CFAP97D2: variants seen among roughly 807,000 people sequenced by gnomAD.
CFAP97D2 encodes CFAP97 domain containing 2.
intron 1 of CFAP97D2, among the ~76,000 whole-genome samples, chr13:114,183,229 T>C (rs1355650503): frequency 1.3e-5 from 2 of 152,162 alleles, no homozygotes; most frequent in African/African-American, 4.8e-5. Context: ...TGCAGTGGTG[T>C]GATCTTGGCT....
Position 114,189,595 on chromosome 13 carries a change from T to A in CFAP97D2, c.91-6801T>A, listed in dbSNP as rs1037933726. On this transcript the variant is annotated intron_variant, in intron 1 of 4. Transcript: ENST00000646158. This position sits in a 1 kb window ranked among gnomAD's most constrained non-coding sequence, Gnocchi z 4.5. ...CCACAGCAAAACTTAGCAAATTCGA[T>A]TAAAAGTGTATAAAAAGTATTATAT... Among the ~76,000 whole-genome samples the A allele has an allele frequency of 1.3e-5, 2 of 152,110 alleles. No homozygotes were observed. Among genetic ancestry groups the A allele is most frequent in the Non-Finnish European group, 2.9e-5 (2 of 68,024 alleles).
At chr13:114,192,075 G>T (rs544309830) in intron 1 of CFAP97D2, among the ~76,000 whole-genome samples, 4 of 150,758 alleles carry the variant, frequency 2.7e-5, no homozygotes, top group East Asian at 3.9e-4. Context: ...TGGGTGGGTG[G>T]GGGGAGGAAG....
In CFAP97D2 at chr13:114,207,451, G is replaced by C. The variant is rs2080946160; in HGVS notation, c.291-4461G>C. On this transcript the variant is annotated intron_variant, in intron 3 of 4. Transcript: ENST00000646158. This position sits in a 1 kb window ranked among gnomAD's most constrained non-coding sequence, Gnocchi z 4.9. ...TGGTCCCATCTAGGGATCGTGTGGA[G>C]ACAGTGACAGATCATCAGGCATTAG... Among the ~76,000 whole-genome samples the C allele has an allele frequency of 6.6e-6, 1 of 151,044 alleles. No individual in the cohort carries two copies.
chr13:114,181,839 C>A (rs542889949), intron 1 of CFAP97D2, among the ~76,000 whole-genome samples: 1 of 151,846 alleles, frequency 6.6e-6, no homozygotes, highest in South Asian at 2.1e-4. Context: ...AGCCTTCCCC[C>A]TCAGAGCCTG....
Position 114,193,289 on chromosome 13 carries a change from T to C in CFAP97D2, c.91-3107T>C, listed in dbSNP as rs998697016. ...GGGCAGAATAGAATATTCAGATAGA[T>C]TTAATTGCATATGAAAATTTAGAAA... On this transcript the variant is annotated intron_variant, in intron 1 of 4. Transcript: ENST00000646158. Among the ~76,000 whole-genome samples, 13 of 152,342 alleles carry C rather than the reference T, an allele frequency of 8.5e-5. 1 individual carries two copies. The East Asian group carries it at 2.5e-3, about 29-fold the overall frequency.
chr13:114,217,275 C>G (rs2080998251), intron 4 of CFAP97D2, among the ~76,000 whole-genome samples: 1 of 152,176 alleles, frequency 6.6e-6, no homozygotes, highest in African/African-American at 2.4e-5. Flanking sequence ...ACTAGAAAAT[C>G]TAGAAGAAAT....
At chr13:114,190,791 C>T (rs986993845) in intron 1 of CFAP97D2, among the ~76,000 whole-genome samples, 18 of 152,060 alleles carry the variant, frequency 1.2e-4, no homozygotes, top group African/African-American at 2.9e-4. Flanking sequence ...GATGTTTATA[C>T]GGAGAGGCAA....
chr13:114,207,978 C>T lies in CFAP97D2; in HGVS notation c.291-3934C>T, dbSNP rs918718807. Among the ~76,000 whole-genome samples, 2 of 152,122 alleles carry T rather than the reference C, an allele frequency of 1.3e-5. No individual in the cohort carries two copies. On this transcript the variant is annotated intron_variant, in intron 3 of 4. Transcript: ENST00000646158. The surrounding 1 kb of genome is among the most constrained non-coding windows in gnomAD (Gnocchi z 4.9). ...AAAGAATCTGTAATCAATGCATCTC[C>T]TTGGGTCACTCGGCAGTTTCAACAT...
chr13:114,198,015 G>C (rs1260022003), intron 2 of CFAP97D2, among the ~76,000 whole-genome samples: 1 of 151,956 alleles, frequency 6.6e-6, no homozygotes, highest in African/African-American at 2.4e-5. Context: ...TTTAGACGGA[G>C]TCTCGCTCTG....
rs2080928571 is a variant in CFAP97D2, at chr13:114,203,818, G to A, written c.290+3375G>A. Among the ~76,000 whole-genome samples, 1 of 152,168 alleles carries A rather than the reference G, an allele frequency of 6.6e-6. No individual in the cohort carries two copies. The highest frequency in any genetic ancestry group is 1.9e-4 in the East Asian group (1 of 5,194). On this transcript the variant is annotated intron_variant, in intron 3 of 4. Coordinates refer to ENST00000646158, the Ensembl canonical transcript of CFAP97D2. The surrounding 1 kb of genome is among the most constrained non-coding windows in gnomAD (Gnocchi z 4.3). Reference sequence around the variant, plus strand: ...TTCCCTCATCTGCACAAAAGCATCTGGTGTAAACACTTGTCAGATGGGGCA... The same window carrying A: ...TTCCCTCATCTGCACAAAAGCATCTAGTGTAAACACTTGTCAGATGGGGCA...
intron 3 of CFAP97D2, among the ~76,000 whole-genome samples, chr13:114,209,734 A>G (rs2080958648): frequency 6.6e-6 from 1 of 152,224 alleles, no homozygotes; most frequent in Non-Finnish European, 1.5e-5. Context: ...AAGCACAGTC[A>G]CTTACTTGTG....
chr13:114,222,404 C>A lies in CFAP97D2; in HGVS notation c.481-94C>A. On this transcript the variant is annotated intron_variant, in intron 4 of 4. Transcript: ENST00000646158. This position sits in a 1 kb window ranked among gnomAD's most constrained non-coding sequence, Gnocchi z 4.4. ...TGTTTAATTCTAAGTAAAGACTTGT[C>A]AATGAGTTGAAATATTCCATTTCCC... 1 of 397,960 alleles carries A rather than the reference C, an allele frequency of 2.5e-6. No homozygotes were observed. The highest frequency in any genetic ancestry group is 1.3e-4 in the South Asian group (1 of 7,528). The allele number at this position is 397,960 out of a possible 1,614,324, so 24.7% of individuals were successfully genotyped here.
chr13:114,215,985 A>T (rs1214063834), intron 4 of CFAP97D2: 2 of 152,320 alleles, frequency 1.3e-5, no homozygotes, highest in East Asian at 3.9e-4. Flanking sequence ...AGTTTTGGGG[A>T]TGAGATTTAA....
intron 3 of CFAP97D2, among the ~76,000 whole-genome samples, chr13:114,204,349 T>G (rs1055125801): frequency 6.6e-6 from 1 of 152,226 alleles, no homozygotes; most frequent in Non-Finnish European, 1.5e-5. Flanking sequence ...TTCTGGACCA[T>G]GAAGAAAGGC....
chr13:114,193,714 C>G (rs1282266815), intron 1 of CFAP97D2, among the ~76,000 whole-genome samples: 1 of 152,170 alleles, frequency 6.6e-6, no homozygotes, highest in African/African-American at 2.4e-5. Context: ...GCTGCTATAA[C>G]AAAACACTAT....
chr13:114,221,560 C>A (rs1256905458), intron 4 of CFAP97D2, among the ~76,000 whole-genome samples: 2 of 152,140 alleles, frequency 1.3e-5, no homozygotes, highest in African/African-American at 4.8e-5. Context: ...TCACTTGCAG[C>A]CACTAACTTG....
intron 4 of CFAP97D2, among the ~76,000 whole-genome samples, chr13:114,220,042 A>C (rs1187296072): frequency 6.6e-6 from 1 of 151,836 alleles, no homozygotes; most frequent in Non-Finnish European, 1.5e-5. Context: ...CACGGCACAC[A>C]CGTCTTCTCA....
rs555953972 is a variant in CFAP97D2 at position 114,186,893 on chromosome 13, C to T, written c.90+7473C>T. ...AGAGGGATGGGATCCAGGCCAGTAG[C>T]ATGAGCTGAGCACAGCCTGCCAGTC... On this transcript the variant is annotated intron_variant, in intron 1 of 4. Transcript: ENST00000646158. This position sits in a 1 kb window ranked among gnomAD's most constrained non-coding sequence, Gnocchi z 4.3. Among the ~76,000 whole-genome samples the T allele has an allele frequency of 3.7e-4, 57 of 152,352 alleles. No individual in the cohort carries two copies. Among genetic ancestry groups the T allele is most frequent in the Non-Finnish European group, 5.6e-4 (38 of 68,042 alleles).
chr13:114,187,465 G>A lies in CFAP97D2; in HGVS notation c.90+8045G>A, dbSNP rs2080856084. Reference sequence around the variant, plus strand: ...TATACCATGTCAACACAAGTCAAAAGAAAGCTGGAGTAACTATATTAATTT... The same window carrying A: ...TATACCATGTCAACACAAGTCAAAAAAAAGCTGGAGTAACTATATTAATTT... On this transcript the variant is annotated intron_variant, in intron 1 of 4. Coordinates refer to ENST00000646158, the Ensembl canonical transcript of CFAP97D2. This position sits in a 1 kb window ranked among gnomAD's most constrained non-coding sequence, Gnocchi z 4.2. Among the ~76,000 whole-genome samples the A allele has an allele frequency of 6.6e-6, 1 of 151,866 alleles. No individual in the cohort carries two copies. The highest frequency in any genetic ancestry group is 1.5e-5 in the Non-Finnish European group (1 of 67,964).
Sources: gnomAD v4.1 joint callset for allele counts (sites outside exome capture counted in the v4.1 genomes callset) on GRCh38, gnomAD v4.1.1 for gene constraint, Gnocchi (gnomAD v3.1) non-coding constraint, MANE v1.5 for transcripts, NCBI Gene and HGNC (gene_info 2026-07-23, HGNC 2026-07-21) for gene names.